Variants in SAMMSON observed in about 807,000 individuals in gnomAD.
SAMMSON encodes long intergenic non-protein coding RNA 1212.
At chr3:70,400,292 G>A (rs1258771732) in intron 2 of SAMMSON, among the ~76,000 whole-genome samples, 3 of 152,158 alleles carry the variant, frequency 2.0e-5, no homozygotes, top group East Asian at 3.9e-4. Flanking sequence ...GGGGCCTAGT[G>A]GGAGGTGTTT....
downstream of SAMMSON, among the ~76,000 whole-genome samples, chr3:70,394,180 C>T (rs1406514568): frequency 6.6e-6 from 1 of 152,124 alleles, no homozygotes; most frequent in African/African-American, 2.4e-5. Context: ...CATTTCTGAT[C>T]ACAGGTTTTG....
chr3:70,413,678 G>A lies in SAMMSON; in HGVS notation n.234-48882G>A, dbSNP rs79108406. ...TTACAAAACATTTTGTGGAGATTCT[G>A]CTTGCTATGCATATTCTATATATTT... On this transcript the variant is annotated intron_variant and non_coding_transcript_variant, in intron 2 of 3. Transcript: ENST00000641053. Among the ~76,000 whole-genome samples the A allele has an allele frequency of 9.2e-5, 14 of 152,148 alleles. No homozygotes were observed. The East Asian group carries it at 2.7e-3, about 29-fold the overall frequency.
Position 70,133,049 on chromosome 3 carries a change from C to T in SAMMSON, n.507+61484C>T, listed in dbSNP as rs2106675372. ...AATACTATATTATAAGAAATATATC[C>T]TTCCAACCCCCATTTTCTAGCACGC... On this transcript the variant is annotated intron_variant and non_coding_transcript_variant, in intron 4 of 9. Coordinates refer to ENST00000642114, the Ensembl canonical transcript of SAMMSON. Among the ~76,000 whole-genome samples, 4 of 152,150 alleles carry T rather than the reference C, an allele frequency of 2.6e-5. No individual in the cohort carries two copies. In the Middle Eastern group the frequency reaches 0.014, roughly 518 times the overall value.
chr3:70,194,558 T>C (rs1241273605), intron 4 of SAMMSON, among the ~76,000 whole-genome samples: 4 of 152,174 alleles, frequency 2.6e-5, no homozygotes, highest in African/African-American at 9.7e-5. Flanking sequence ...CCCTTTCTGT[T>C]ATAGCACAGT....
chr3:70,292,016 G>C (rs1046979086), intron 7 of SAMMSON: 2 of 152,124 alleles, frequency 1.3e-5, no homozygotes, highest in African/African-American at 4.8e-5. Context: ...TGGTTTCAAA[G>C]CTGAATAAAT....
At position 70,383,341 on chromosome 3, in the gene SAMMSON, T is replaced by TAAA. The variant is rs1463605579; in HGVS notation, n.914-6230_914-6228dup. On this transcript the variant is annotated intron_variant and non_coding_transcript_variant, in intron 9 of 9. Transcript: ENST00000642114. The stretch of plus-strand genomic sequence containing the variant: ...TTTTTACAATTGTTTTCCCTTAAAA[T>TAAA]AAAAATAAAAAAAAAAAACAACCTT... 4.4e-3 allele frequency among the ~76,000 whole-genome samples: 437 copies of TAAA among 99,552 alleles called. 1 individual carries two copies. The highest frequency in any genetic ancestry group is 0.015 in the African/African-American group (410 of 26,618). The allele number at this position is 99,552 out of a possible 152,430, so 65.3% of individuals were successfully genotyped here.
At chr3:70,224,806 A>G (rs1340688992) in intron 4 of SAMMSON, among the ~76,000 whole-genome samples, 2 of 152,084 alleles carry the variant, frequency 1.3e-5, no homozygotes, top group Admixed American at 6.6e-5. Flanking sequence ...TGATAATATC[A>G]CTGTAATTTT....
chr3:70,292,777 ATTTTC>A (rs1181126989), intron 7 of SAMMSON, among the ~76,000 whole-genome samples: 1 of 151,986 alleles, frequency 6.6e-6, no homozygotes, highest in African/African-American at 2.4e-5. Context: ...GAAAAGAATT[ATTTTC>A]TTTTCGTGGT....
chr3:70,147,006 A>G (rs1465181241), intron 4 of SAMMSON, among the ~76,000 whole-genome samples: 2 of 152,084 alleles, frequency 1.3e-5, no homozygotes, highest in Non-Finnish European at 2.9e-5. Context: ...AAAAATTGAT[A>G]GTATTTCTAG....
chr3:70,009,507 G>A (rs1042549007), intron 1 of SAMMSON, among the ~76,000 whole-genome samples: 37 of 151,962 alleles, frequency 2.4e-4, no homozygotes, highest in East Asian at 1.7e-3. Flanking sequence ...TTTTTATTGC[G>A]TCTATTTGAT....
chr3:70,028,180 TTC>T (rs1286680351), intron 3 of SAMMSON, among the ~76,000 whole-genome samples: 38,703 of 136,464 alleles, frequency 0.28, 5,661 homozygotes, highest in East Asian at 0.42. Context: ...CCTTCCTTCC[TTC>T]CTTCCTTTCT....
intron 4 of SAMMSON, chr3:70,206,739 A>C (rs1375185960): frequency 1.8e-5 from 7 of 397,752 alleles, no homozygotes; most frequent in Non-Finnish European, 3.1e-5. Context: ...ATTTATAACA[A>C]TAGCATTAAT....
At chr3:70,377,044 A>T (rs1430701113) in intron 9 of SAMMSON, among the ~76,000 whole-genome samples, 1 of 152,152 alleles carries the variant, frequency 6.6e-6, no homozygotes, top group Non-Finnish European at 1.5e-5. Context: ...AATTTAAGAT[A>T]TCTTATAAAA....
chr3:70,185,054 T>C (rs1463179854), intron 4 of SAMMSON, among the ~76,000 whole-genome samples: 2 of 152,224 alleles, frequency 1.3e-5, no homozygotes, highest in African/African-American at 2.4e-5. Flanking sequence ...AAACTTACTG[T>C]ATTGTATCCC....
intron 4 of SAMMSON, among the ~76,000 whole-genome samples, chr3:70,136,674 A>G (rs2067507040): frequency 6.6e-6 from 1 of 152,218 alleles, no homozygotes; most frequent in African/African-American, 2.4e-5. Context: ...AGCTGGTATA[A>G]ACTGAAAGTA....
At chr3:70,328,513 A>C (rs1043522511) in intron 7 of SAMMSON, among the ~76,000 whole-genome samples, 1 of 152,196 alleles carries the variant, frequency 6.6e-6, no homozygotes, top group African/African-American at 2.4e-5. Context: ...ATGACAATAC[A>C]ATTTCTAAGA....
At chr3:70,172,358 C>T (rs1049483226) in intron 4 of SAMMSON, 3 of 151,168 alleles carry the variant, frequency 2.0e-5, no homozygotes, top group Admixed American at 6.6e-5. Context: ...GTTTATGGTC[C>T]CACCTGCATC....
At chr3:70,196,727 G>C (rs918899245) in intron 4 of SAMMSON, among the ~76,000 whole-genome samples, 3 of 152,258 alleles carry the variant, frequency 2.0e-5, no homozygotes, top group African/African-American at 7.2e-5. Context: ...TTTTCAGTGA[G>C]CCATGCGGTT....
At chr3:70,400,117 G>T (rs927227378) in intron 2 of SAMMSON, among the ~76,000 whole-genome samples, 5 of 152,058 alleles carry the variant, frequency 3.3e-5, no homozygotes, top group Non-Finnish European at 5.9e-5. Context: ...TGGATTTTGT[G>T]ATGATAGTGA....
Sources: allele counts gnomAD v4.1 joint callset (sites outside exome capture counted in the v4.1 genomes callset), GRCh38; gene constraint gnomAD v4.1.1; transcripts MANE v1.5; gene names NCBI Gene and HGNC (gene_info 2026-07-23, HGNC 2026-07-21).